Variants in BTBD9 observed in about 807,000 individuals in gnomAD.
BTBD9 encodes the protein BTB/POZ domain-containing protein 9.
A neutral mutation model predicts 64.3 loss-of-function variants in BTBD9; 49 were observed. That is an observed-to-expected ratio of 0.76 (90% CI 0.61 to 0.97). BTBD9 has a LOEUF of 0.97. BTBD9 is among the 50% of genes least tolerant of loss of function. BTBD9 has a pLI of 0.00. For missense variants in BTBD9, 598 were observed against 762.1 expected (o/e 0.78, Z 2.53); for synonymous variants, 260 against 274.7 (o/e 0.95, Z 0.53).
chr6:38,391,636 T>C lies in BTBD9; in HGVS notation c.1155-46543A>G, dbSNP rs192569153. On this transcript the variant is annotated intron_variant, in intron 6 of 10. Coordinates refer to ENST00000481247, the MANE Select transcript of BTBD9 (RefSeq NM_001099272.2). ...GAATAAAAACTTGCTTGTTTTTCTTTTTTTTTTTTTTTTATAGCCATTCTC... is the reference window on the plus strand; with the variant it reads ...GAATAAAAACTTGCTTGTTTTTCTTCTTTTTTTTTTTTTATAGCCATTCTC... Among the ~76,000 whole-genome samples, 151 of 132,568 alleles carry C rather than the reference T, an allele frequency of 1.1e-3. No individual in the cohort carries two copies. The Middle Eastern group carries it at 0.014, about 13-fold the overall frequency. 87.0% of individuals were successfully genotyped at this position (132,568 alleles called of 152,430 possible).
At chr6:38,466,403 TG>T (rs547947459) in intron 6 of BTBD9, among the ~76,000 whole-genome samples, 1 of 149,068 alleles carries the variant, frequency 6.7e-6, no homozygotes, top group Non-Finnish European at 1.5e-5. Context: ...GCAATTCTCC[TG>T]CGTCAGCTTC....
At chr6:38,330,053 C>CT (rs147264863) in intron 7 of BTBD9, among the ~76,000 whole-genome samples, 47,464 of 150,236 alleles carry the variant, frequency 0.32, 7,570 homozygotes, top group East Asian at 0.44. Flanking sequence ...TTTTTCTTTT[C>CT]TTTTTTTTTG....
intron 7 of BTBD9, among the ~76,000 whole-genome samples, chr6:38,333,914 CAGA>C (rs1364261511): frequency 6.6e-6 from 1 of 152,132 alleles, no homozygotes; most frequent in Non-Finnish European, 1.5e-5. Context: ...CTGGAGGGCT[CAGA>C]AGAAGACAGG....
intron 6 of BTBD9, among the ~76,000 whole-genome samples, chr6:38,506,055 T>C (rs1772494774): frequency 1.3e-5 from 2 of 151,174 alleles, no homozygotes; most frequent in Admixed American, 6.6e-5. Context: ...TCATTTTTCC[T>C]GCCTCAGTAA....
intron 7 of BTBD9, among the ~76,000 whole-genome samples, chr6:38,328,946 C>CAA (rs35867305): frequency 3.7e-4 from 45 of 120,350 alleles, no homozygotes; most frequent in African/African-American, 1.1e-3. Context: ...GACTTCGTCT[C>CAA]AAAAAAAAAA....
intron 8 of BTBD9, among the ~76,000 whole-genome samples, chr6:38,286,522 A>G (rs139404633): frequency 1.3e-5 from 2 of 152,122 alleles, no homozygotes; most frequent in East Asian, 3.9e-4. Flanking sequence ...ACACACATAC[A>G]TATATATATA....
chr6:38,535,682 T>C (rs1024831840), intron 6 of BTBD9, among the ~76,000 whole-genome samples: 10 of 152,136 alleles, frequency 6.6e-5, no homozygotes, highest in Middle Eastern at 3.4e-3. Flanking sequence ...CGGAACAGAA[T>C]TGAGAATCCA....
chr6:38,449,296 C>T (rs984384879), intron 6 of BTBD9, among the ~76,000 whole-genome samples: 8 of 152,170 alleles, frequency 5.3e-5, no homozygotes, highest in Non-Finnish European at 1.2e-4. Flanking sequence ...GACAGAGTCT[C>T]ACCTGGAATA....
At chr6:38,248,937 A>G (rs954639225) in intron 9 of BTBD9, among the ~76,000 whole-genome samples, 2 of 152,202 alleles carry the variant, frequency 1.3e-5, no homozygotes, top group African/African-American at 4.8e-5. Flanking sequence ...AGGATGAATG[A>G]CAAATGACCC....
At chr6:38,299,976 T>C (rs1041477169) in intron 7 of BTBD9, among the ~76,000 whole-genome samples, 2 of 152,178 alleles carry the variant, frequency 1.3e-5, no homozygotes, top group African/African-American at 4.8e-5. Flanking sequence ...TCTTCTAGGG[T>C]TTTTATGATT....
intron 6 of BTBD9, among the ~76,000 whole-genome samples, chr6:38,381,439 TA>T (rs1562105246): frequency 6.6e-6 from 1 of 152,176 alleles, no homozygotes; most frequent in Non-Finnish European, 1.5e-5. Context: ...ATGCAGCTAA[TA>T]TAGTTTCAAA....
chr6:38,293,556 A>C (rs1176235819), intron 7 of BTBD9, among the ~76,000 whole-genome samples: 20 of 152,206 alleles, frequency 1.3e-4, no homozygotes, highest in Admixed American at 1.3e-3. Flanking sequence ...TGACAAAAAC[A>C]AGCAACGGGG....
intron 6 of BTBD9, among the ~76,000 whole-genome samples, chr6:38,489,628 G>A (rs557907534): frequency 1.3e-5 from 2 of 152,276 alleles, no homozygotes; most frequent in South Asian, 4.1e-4. Flanking sequence ...CCAGCTTATA[G>A]AAAGAATGTT....
chr6:38,272,107 T>C (rs1026183743), intron 8 of BTBD9, among the ~76,000 whole-genome samples: 1 of 152,106 alleles, frequency 6.6e-6, no homozygotes, highest in Non-Finnish European at 1.5e-5. Flanking sequence ...AGGATAGTCA[T>C]TGACCACTAC....
intron 1 of BTBD9, among the ~76,000 whole-genome samples, chr6:38,610,785 C>T (rs1777591559): frequency 1.3e-5 from 2 of 151,982 alleles, no homozygotes; most frequent in African/African-American, 4.8e-5. Flanking sequence ...TAAACTGGTT[C>T]AGCTTTTTGG....
chr6:38,305,060 G>C (rs1762577774), intron 7 of BTBD9, among the ~76,000 whole-genome samples: 2 of 151,846 alleles, frequency 1.3e-5, no homozygotes, highest in South Asian at 4.2e-4. Flanking sequence ...AATATTTGCT[G>C]AGTAAATGAA....
chr6:38,548,596 A>ATT (rs11375307), intron 6 of BTBD9, among the ~76,000 whole-genome samples: 1 of 151,804 alleles, frequency 6.6e-6, no homozygotes, highest in African/African-American at 2.4e-5. Context: ...CAAAATATCT[A>ATT]TTTTTTTTCC....
rs968386952 is a variant in BTBD9, at chr6:38,526,341, C to A, written c.1154+51259G>T. Among the ~76,000 whole-genome samples the A allele has an allele frequency of 2.6e-5, 4 of 152,184 alleles. 1 individual carries two copies. Among genetic ancestry groups the A allele is most frequent in the Non-Finnish European group, 5.9e-5 (4 of 68,036 alleles). On this transcript the variant is annotated intron_variant, in intron 6 of 10. Transcript: ENST00000481247. ...AAGAGTTGAGGCCTGGGAGCCTGCACCTAGATTTCAGAGGATGTATAGAAA... is the reference window on the plus strand; with the variant it reads ...AAGAGTTGAGGCCTGGGAGCCTGCAACTAGATTTCAGAGGATGTATAGAAA...
intron 6 of BTBD9, among the ~76,000 whole-genome samples, chr6:38,520,136 G>GA (rs142242474): frequency 0.015 from 2,207 of 149,278 alleles, 17 homozygotes; most frequent in Middle Eastern, 0.035. Flanking sequence ...AAAACTGACA[G>GA]AAAAAAAAAA....
Sources: allele counts gnomAD v4.1 joint callset (sites outside exome capture counted in the v4.1 genomes callset), GRCh38; gene constraint gnomAD v4.1.1; transcripts MANE v1.5; gene names NCBI Gene and HGNC (gene_info 2026-07-23, HGNC 2026-07-21).